The following COXFA4L2 variants were observed in gnomAD, a reference collection of about 807,000 sequenced individuals.
COXFA4L2 encodes the protein NADH dehydrogenase (ubiquinone) 1 alpha subcomplex, 4-like 2.
chr12:57,236,376 C>T, the COXFA4L2 span: 1 of 496,470 alleles, frequency 2.0e-6, no homozygotes, highest in Non-Finnish European at 3.5e-6. Flanking sequence ...GCGCGGGTTC[C>T]GCATTTCAGG....
chr12:57,237,148 C>T, the COXFA4L2 span: 36 of 1,613,758 alleles, frequency 2.2e-5, no homozygotes, highest in South Asian at 5.5e-5. Context: ...CCTGGGGTCC[C>T]GCCCCTGAGT....
At chr12:57,238,140 C>G in the COXFA4L2 span, among the ~76,000 whole-genome samples, 1 of 152,120 alleles carries the variant, frequency 6.6e-6, no homozygotes, top group Admixed American at 6.5e-5. The surrounding 1 kb of genome is among the most constrained non-coding windows in gnomAD (Gnocchi z 6.8). Flanking sequence ...GCACCTCCCC[C>G]TCCAGAGCCC....
the COXFA4L2 span, chr12:57,235,721 G>A: frequency 1.9e-6 from 3 of 1,610,736 alleles, no homozygotes; most frequent in Admixed American, 3.3e-5. Context: ...AGAGGATGGG[G>A]GGCAACCCTA....
chr12:57,236,383 C>T, the COXFA4L2 span: 2 of 499,512 alleles, frequency 4.0e-6, no homozygotes, highest in Non-Finnish European at 7.0e-6. Context: ...TTCCGCATTT[C>T]AGGGCGGGCC....
the COXFA4L2 span, chr12:57,235,741 A>G: frequency 1.2e-6 from 2 of 1,604,326 alleles, no homozygotes; most frequent in Non-Finnish European, 1.7e-6. Flanking sequence ...AGAGCCATCG[A>G]GAGGTACCTT....
chr12:57,238,083 A>C, the COXFA4L2 span, among the ~76,000 whole-genome samples: 1 of 151,968 alleles, frequency 6.6e-6, no homozygotes. This position sits in a 1 kb window ranked among gnomAD's most constrained non-coding sequence, Gnocchi z 6.8. Context: ...CCCCACTCCC[A>C]CGATAACCTC....
At chr12:57,235,678 T>C in the COXFA4L2 span, 1 of 1,612,088 alleles carries the variant, frequency 6.2e-7, no homozygotes, top group African/African-American at 1.3e-5. Flanking sequence ...TTGCTTCTAG[T>C]ACGGGAGTTG....
the COXFA4L2 span, chr12:57,235,712 G>C: frequency 6.2e-7 from 1 of 1,611,696 alleles, no homozygotes. Flanking sequence ...CAGGAGATAA[G>C]AGGATGGGGG....
the COXFA4L2 span, among the ~76,000 whole-genome samples, chr12:57,238,165 G>A: frequency 6.6e-6 from 1 of 152,066 alleles, no homozygotes; most frequent in Non-Finnish European, 1.5e-5. The surrounding 1 kb of genome is among the most constrained non-coding windows in gnomAD (Gnocchi z 6.8). Flanking sequence ...TGTGGAGGGC[G>A]CGGGCGGGAG....
chr12:57,235,879 C>G, the COXFA4L2 span: 1 of 1,392,792 alleles, frequency 7.2e-7, no homozygotes, highest in Admixed American at 2.6e-5. Context: ...CCAATTTGAC[C>G]CCCAAGCTCC....
chr12:57,235,597 T>C, the COXFA4L2 span: 1 of 1,614,126 alleles, frequency 6.2e-7, no homozygotes, highest in Non-Finnish European at 8.5e-7. Context: ...CAGCTTCTTA[T>C]AGTCAGTGGA....
At chr12:57,237,419 G>A in the COXFA4L2 span, 2 of 1,175,578 alleles carry the variant, frequency 1.7e-6, no homozygotes, top group South Asian at 1.9e-5. Context: ...TAAGATGTGG[G>A]AGGAGGCATG....
chr12:57,237,027 A>G, the COXFA4L2 span: 2 of 1,613,970 alleles, frequency 1.2e-6, no homozygotes, highest in Non-Finnish European at 1.7e-6. Context: ...CTGAGGACTC[A>G]CCCCCGGATG....
At chr12:57,239,863 TTATCTC>T in the COXFA4L2 span, 1 of 152,668 alleles carries the variant, frequency 6.6e-6, no homozygotes. The surrounding 1 kb of genome is among the most constrained non-coding windows in gnomAD (Gnocchi z 5.5). Flanking sequence ...GTCTCTGTCT[TTATCTC>T]TGTCTCTCCC....
At chr12:57,237,305 C>G in the COXFA4L2 span, 4 of 1,427,980 alleles carry the variant, frequency 2.8e-6, no homozygotes, top group Admixed American at 1.2e-4. Context: ...GTGGTTTCTG[C>G]TCTCCGACTC....
the COXFA4L2 span, chr12:57,236,692 G>C: frequency 6.4e-7 from 1 of 1,553,300 alleles, no homozygotes; most frequent in Non-Finnish European, 8.7e-7. Flanking sequence ...CTGCGGGGAA[G>C]AGGGAGAGCA....
At chr12:57,237,172 C>T in the COXFA4L2 span, 1 of 1,612,318 alleles carries the variant, frequency 6.2e-7, no homozygotes, top group South Asian at 1.1e-5. Flanking sequence ...GAGGGATCAG[C>T]CCAGCCCAGA....
the COXFA4L2 span, chr12:57,236,566 C>T: frequency 3.9e-6 from 6 of 1,540,590 alleles, no homozygotes; most frequent in Middle Eastern, 3.6e-4. Flanking sequence ...CCCAGGCCCC[C>T]GTGAGCATCC....
chr12:57,236,596 A>C, the COXFA4L2 span: 2 of 1,578,520 alleles, frequency 1.3e-6, no homozygotes, highest in East Asian at 2.3e-5. Context: ...CCTTTACCAG[A>C]CGTCGGGGCT....
Sources: gnomAD v4.1 joint callset for allele counts (sites outside exome capture counted in the v4.1 genomes callset) on GRCh38, gnomAD v4.1.1 for gene constraint, Gnocchi (gnomAD v3.1) non-coding constraint, MANE v1.5 for transcripts, NCBI Gene and HGNC (gene_info 2026-07-23, HGNC 2026-07-21) for gene names.